Variants in RARB observed in about 807,000 individuals in gnomAD.
The protein encoded by RARB is retinoic acid receptor beta, also known as HBV-activated protein.
RARB carries 17 observed loss-of-function variants against 51.9 expected under a neutral mutation model. The observed-to-expected ratio is 0.33, with a 90% CI of 0.22 to 0.49. RARB has a LOEUF of 0.49. Ranked by LOEUF, RARB falls within the 20% of genes least tolerant of loss-of-function variation. The pLI, the probability that RARB is intolerant of heterozygous loss-of-function variation, is 0.99. For missense variants in RARB, 369 were observed against 550.8 expected (o/e 0.67, Z 3.30); for synonymous variants, 215 against 195.4 (o/e 1.10, Z -0.84).
chr3:25,022,514 C>G lies in RARB; in HGVS notation c.-379-37611C>G, dbSNP rs143221468. ...TTTTTCTAATTTTAAAAACTCTGGT[C>G]AAACTATTCCAAAGCGGCTGTATCA... On this transcript the variant is annotated intron_variant, in intron 2 of 11. Transcript: ENST00000383772. 2.6e-3 allele frequency among the ~76,000 whole-genome samples: 390 copies of G among 152,242 alleles called. 2 individuals carry two copies. The highest frequency in any genetic ancestry group is 8.7e-3 in the African/African-American group (363 of 41,546).
chr3:25,164,261 A>T (rs974693399), intron 4 of RARB, among the ~76,000 whole-genome samples: 1 of 152,220 alleles, frequency 6.6e-6, no homozygotes, highest in African/African-American at 2.4e-5. Context: ...GGGTCCAAAT[A>T]TCACCCATAG....
chr3:25,151,685 A>C (rs549043165), intron 4 of RARB, among the ~76,000 whole-genome samples: 1 of 152,200 alleles, frequency 6.6e-6, no homozygotes, highest in Non-Finnish European at 1.5e-5. Context: ...GTTTCCGTCT[A>C]TTGTACCTTT....
intron 5 of RARB, among the ~76,000 whole-genome samples, chr3:25,398,274 A>G (rs545122253): frequency 1.3e-5 from 2 of 152,242 alleles, no homozygotes; most frequent in South Asian, 4.2e-4. Flanking sequence ...GTCCATCACC[A>G]TTAACTACAG....
chr3:25,231,503 ATCTTTTAGG>A (rs1440825846), intron 5 of RARB, among the ~76,000 whole-genome samples: 1 of 152,160 alleles, frequency 6.6e-6, no homozygotes, highest in African/African-American at 2.4e-5. Context: ...GCTCCCAGAG[ATCTTTTAGG>A]TTACTCCTCT....
At chr3:25,460,060 A>G (rs933998482) in intron 1 of RARB, among the ~76,000 whole-genome samples, 4 of 152,116 alleles carry the variant, frequency 2.6e-5, no homozygotes, top group Non-Finnish European at 5.9e-5. Context: ...GAGGATTATT[A>G]TTTTTTTAAT....
At chr3:25,095,960 C>T (rs551514565) in intron 3 of RARB, among the ~76,000 whole-genome samples, 33 of 152,260 alleles carry the variant, frequency 2.2e-4, no homozygotes, top group East Asian at 1.4e-3. Flanking sequence ...CAGGCTCCAC[C>T]GCCGGGGAAG....
chr3:25,389,145 G>A (rs1212137712), intron 5 of RARB, among the ~76,000 whole-genome samples: 1 of 152,170 alleles, frequency 6.6e-6, no homozygotes, highest in Non-Finnish European at 1.5e-5. Context: ...AGAGGTTTCT[G>A]GGGAGGTGGC....
chr3:24,864,635 A>G (rs573085575), intron 2 of RARB, among the ~76,000 whole-genome samples: 21 of 152,274 alleles, frequency 1.4e-4, no homozygotes, highest in Non-Finnish European at 3.1e-4. Flanking sequence ...CAAACTCCAC[A>G]GACTATGGCT....
At chr3:25,247,449 T>C (rs1032886733) in intron 5 of RARB, among the ~76,000 whole-genome samples, 15 of 152,164 alleles carry the variant, frequency 9.9e-5, no homozygotes, top group African/African-American at 3.4e-4. Flanking sequence ...GCCCATGTGG[T>C]GTAGGCACAC....
chr3:25,342,506 C>T (rs562653359), intron 5 of RARB, among the ~76,000 whole-genome samples: 1 of 152,266 alleles, frequency 6.6e-6, no homozygotes, highest in African/African-American at 2.4e-5. Flanking sequence ...AGCAGATCTG[C>T]TGAGACAGGA....
chr3:25,386,823 C>G (rs1661826936), intron 5 of RARB, among the ~76,000 whole-genome samples: 1 of 152,158 alleles, frequency 6.6e-6, no homozygotes, highest in Non-Finnish European at 1.5e-5. Context: ...GGGCTGCCAA[C>G]TCTTCTTATT....
At chr3:25,443,685 A>G (rs1575409093) in intron 1 of RARB, among the ~76,000 whole-genome samples, 1 of 151,878 alleles carries the variant, frequency 6.6e-6, no homozygotes, top group East Asian at 1.9e-4. Context: ...TAATCCCAGC[A>G]CTTTGGGAGT....
At position 25,252,194 on chromosome 3, in the gene RARB, C is replaced by T. The variant is rs148033782; in HGVS notation, c.178+77619C>T. On this transcript the variant is annotated intron_variant, in intron 5 of 11. Transcript: ENST00000383772. ...GGTATAAGTGCTTACTTCTGGACTA[C>T]ACATCTATTTCTTTGATCTATATGT... Among the ~76,000 whole-genome samples, 427 of 152,278 alleles carry T rather than the reference C, an allele frequency of 2.8e-3. 4 individuals carry two copies. The highest frequency in any genetic ancestry group is 9.9e-3 in the African/African-American group (412 of 41,560).
intron 3 of RARB, among the ~76,000 whole-genome samples, chr3:25,121,837 T>A (rs1476281501): frequency 6.6e-6 from 1 of 152,184 alleles, no homozygotes; most frequent in Non-Finnish European, 1.5e-5. Flanking sequence ...ACCTTGCAGG[T>A]ATTTGAAGAC....
chr3:25,310,031 C>T (rs1704251324), intron 5 of RARB, among the ~76,000 whole-genome samples: 1 of 152,208 alleles, frequency 6.6e-6, no homozygotes, highest in African/African-American at 2.4e-5. Flanking sequence ...ATTGTCCTTG[C>T]TGGCTCCTTA....
At chr3:25,308,775 T>C (rs1312119576) in intron 5 of RARB, among the ~76,000 whole-genome samples, 4 of 152,192 alleles carry the variant, frequency 2.6e-5, no homozygotes, top group Admixed American at 1.3e-4. Context: ...ATTCAAGTTA[T>C]ATATTCCAAT....
intron 5 of RARB, among the ~76,000 whole-genome samples, chr3:25,186,715 A>G (rs937873359): frequency 6.6e-6 from 1 of 152,120 alleles, no homozygotes; most frequent in Non-Finnish European, 1.5e-5. Flanking sequence ...CAACATTTTT[A>G]TAAATTGTAG....
At chr3:25,229,856 A>G (rs1702136699) in intron 5 of RARB, among the ~76,000 whole-genome samples, 1 of 152,142 alleles carries the variant, frequency 6.6e-6, no homozygotes, top group Middle Eastern at 3.2e-3. Flanking sequence ...CAAGAGAGGT[A>G]ATGGATGAGC....
intron 5 of RARB, among the ~76,000 whole-genome samples, chr3:25,393,156 G>A (rs1707019643): frequency 6.6e-6 from 1 of 151,914 alleles, no homozygotes; most frequent in Admixed American, 6.6e-5. Flanking sequence ...CCATGTCATT[G>A]TTGTTTTTAA....
Sources: allele counts gnomAD v4.1 joint callset (sites outside exome capture counted in the v4.1 genomes callset), GRCh38; gene constraint gnomAD v4.1.1; transcripts MANE v1.5; gene names NCBI Gene and HGNC (gene_info 2026-07-23, HGNC 2026-07-21).